The following MTNR1A variants were observed in gnomAD, a reference collection of about 807,000 sequenced individuals.
MTNR1A encodes melatonin receptor type 1A.
A neutral mutation model predicts 5.5 loss-of-function variants in MTNR1A; 7 were observed. The ratio of observed to expected loss-of-function variants is 1.28; its 90% CI spans 0.73 to 2.40. The LOEUF (loss-of-function observed/expected upper bound fraction) is 2.40. Ranked by LOEUF, MTNR1A falls within the 30% of genes most tolerant of loss-of-function variation. The pLI, the probability that MTNR1A is intolerant of heterozygous loss-of-function variation, is 0.00. For synonymous variants in MTNR1A, 196 were observed against 202.7 expected (o/e 0.97, Z 0.28); for missense variants, 441 against 464.4 (o/e 0.95, Z 0.46).
chr4:186,546,770 ATC>A (rs1737155751), intron 1 of MTNR1A, among the ~76,000 whole-genome samples: 2 of 142,838 alleles, frequency 1.4e-5, no homozygotes, highest in African/African-American at 2.7e-5. Flanking sequence ...TGTTCATGCC[ATC>A]CACACCACAC....
chr4:186,549,261 A>T (rs1239295220), intron 1 of MTNR1A, among the ~76,000 whole-genome samples: 5 of 152,314 alleles, frequency 3.3e-5, no homozygotes, highest in Admixed American at 3.3e-4. Context: ...TCAAAGAGGA[A>T]ATACTAATTA....
chr4:186,554,891 T>G (rs553187459), intron 1 of MTNR1A, among the ~76,000 whole-genome samples: 4 of 152,216 alleles, frequency 2.6e-5, no homozygotes, highest in Non-Finnish European at 5.9e-5. Context: ...AGCCTGGACC[T>G]GAGGCTTCTC....
chr4:186,544,603 A>C (rs1045114551), intron 1 of MTNR1A, among the ~76,000 whole-genome samples: 4 of 152,214 alleles, frequency 2.6e-5, no homozygotes, highest in Non-Finnish European at 4.4e-5. Flanking sequence ...AGTTTTCATG[A>C]ACAATGAAAA....
rs28383653 is a variant in MTNR1A, at chr4:186,534,245, C to T, written c.497G>A (p.Gly166Glu). The change falls in exon 2 of 2, where the codon GGG becomes GAG. Residue 166 changes from glycine to glutamate, a missense_variant. Gly to Glu is a moderately conservative substitution (Grantham distance 98). Transcript: ENST00000307161. ...LAAVLPNLRA[G>E]TLQYDPRIYS... The stretch of plus-strand genomic sequence containing the variant: ...GATCCTCGGGTCGTACTGGAGAGTC[C>T]CTGCACGGAGGTTGGGCAGGACGGC... The T allele has an allele frequency of 0.013, 21,575 of 1,613,950 alleles. 187 individuals are homozygous for T. The highest frequency in any genetic ancestry group is 0.016 in the Non-Finnish European group (18,979 of 1,179,986).
intron 1 of MTNR1A, among the ~76,000 whole-genome samples, chr4:186,553,205 T>G (rs1225053407): frequency 1.3e-5 from 2 of 152,232 alleles, no homozygotes; most frequent in Non-Finnish European, 2.9e-5. Flanking sequence ...AAACTTTTAA[T>G]AAGCATACCA....
At chr4:186,551,311 T>G (rs572903220) in intron 1 of MTNR1A, among the ~76,000 whole-genome samples, 19 of 152,210 alleles carry the variant, frequency 1.2e-4, no homozygotes, top group Non-Finnish European at 2.6e-4. Context: ...ACTCAGACAA[T>G]GGAGATTTTG....
intron 1 of MTNR1A, among the ~76,000 whole-genome samples, chr4:186,535,976 A>T (rs551298419): frequency 3.9e-5 from 6 of 152,314 alleles, no homozygotes; most frequent in African/African-American, 2.4e-5. Context: ...AATAAATTCA[A>T]TTCAGTTTAC....
chr4:186,536,439 G>T (rs535802635), intron 1 of MTNR1A, among the ~76,000 whole-genome samples: 57 of 152,308 alleles, frequency 3.7e-4, no homozygotes, highest in African/African-American at 1.3e-3. Flanking sequence ...GAGGAAAGGG[G>T]TGCGCTGGAC....
chr4:186,553,720 C>T (rs979230118), intron 1 of MTNR1A, among the ~76,000 whole-genome samples: 13 of 152,300 alleles, frequency 8.5e-5, no homozygotes, highest in African/African-American at 3.1e-4. Flanking sequence ...ACCATGTTGG[C>T]CAGCTGGTCT....
intron 1 of MTNR1A, among the ~76,000 whole-genome samples, chr4:186,536,148 C>T (rs1318863872): frequency 6.6e-6 from 1 of 151,878 alleles, no homozygotes; most frequent in Non-Finnish European, 1.5e-5. Flanking sequence ...GAGTTCAGGA[C>T]CAGCCTGGCC....
intron 1 of MTNR1A, among the ~76,000 whole-genome samples, chr4:186,541,703 AT>A (rs930120413): frequency 7.2e-5 from 11 of 152,092 alleles, no homozygotes; most frequent in Non-Finnish European, 4.4e-5. Context: ...CATGTGAGGG[AT>A]CTAGGCTACA....
At chr4:186,542,323 C>A (rs769625324) in intron 1 of MTNR1A, among the ~76,000 whole-genome samples, 3 of 152,166 alleles carry the variant, frequency 2.0e-5, no homozygotes, top group Non-Finnish European at 4.4e-5. Context: ...TTTTCAGGCC[C>A]TTAAATCTTC....
chr4:186,546,110 C>T (rs1310924603), intron 1 of MTNR1A, among the ~76,000 whole-genome samples: 1 of 152,294 alleles, frequency 6.6e-6, no homozygotes, highest in East Asian at 1.9e-4. Flanking sequence ...TGCAATAAAT[C>T]AAGCTGCTTA....
At chr4:186,535,959 A>T (rs1009884147) in intron 1 of MTNR1A, among the ~76,000 whole-genome samples, 1 of 152,180 alleles carries the variant, frequency 6.6e-6, no homozygotes, top group Admixed American at 6.6e-5. Flanking sequence ...TACTCAGATT[A>T]AATTATAATA....
rs754335860 is a variant in MTNR1A at position 186,555,213 on chromosome 4, C to G, written c.153G>C (p.Ser51=). The G allele has an allele frequency of 1.3e-6, 2 of 1,594,642 alleles. No homozygotes were observed. Among genetic ancestry groups the G allele is most frequent in the South Asian group, 1.1e-5 (1 of 87,924 alleles). ...TCCTGAGCTTCTTGTTCCGATACACCGACAGGATGACCAGGAGGTTGCCCA... is the reference window on the plus strand; with the variant it reads ...TCCTGAGCTTCTTGTTCCGATACACGGACAGGATGACCAGGAGGTTGCCCA... The part of the protein sequence containing the change: ...DILGNLLVIL[S]VYRNKKLRNA... Residue 51 remains serine, a synonymous_variant, in exon 1 of 2, where the codon TCG becomes TCC. Coordinates refer to ENST00000307161, the MANE Select transcript of MTNR1A (RefSeq NM_005958.4). This position sits in a 1 kb window ranked among gnomAD's most constrained non-coding sequence, Gnocchi z 4.1.
Position 186,555,400 on chromosome 4 carries a change from C to T in MTNR1A, c.-35G>A. ...GCGCGTCCCGGCCGCGGGGCCATCG[C>T]CCGCCTCGTCCGCCCGCCCGACCAC... is the stretch of plus-strand genomic sequence containing the variant. On this transcript the variant is annotated 5_prime_UTR_variant, in exon 1 of 2. Transcript: ENST00000307161. This position sits in a 1 kb window ranked among gnomAD's most constrained non-coding sequence, Gnocchi z 4.1. The T allele has an allele frequency of 1.5e-6, 2 of 1,357,802 alleles. No individual in the cohort carries two copies. The highest frequency in any genetic ancestry group is 6.4e-5 in the East Asian group (2 of 31,352). 84.1% of individuals were successfully genotyped at this position (1,357,802 alleles called of 1,614,324 possible). A position where few individuals can be genotyped will look rare whatever the true frequency, so the allele number is the denominator to read the frequency against.
At chr4:186,551,401 T>C (rs1179106152) in intron 1 of MTNR1A, among the ~76,000 whole-genome samples, 1 of 151,988 alleles carries the variant, frequency 6.6e-6, no homozygotes, top group African/African-American at 2.4e-5. Context: ...TTCCAGTTCA[T>C]ATTGTCTACT....
intron 1 of MTNR1A, among the ~76,000 whole-genome samples, chr4:186,545,320 T>C (rs930266648): frequency 6.6e-6 from 1 of 152,162 alleles, no homozygotes; most frequent in African/African-American, 2.4e-5. Flanking sequence ...CCACCGGCAC[T>C]GCTCTTCCAT....
rs8192549 is a variant in MTNR1A, at chr4:186,534,175, G to A, written c.567C>T (p.Ile189=). The change falls in exon 2 of 2, where the codon ATC becomes ATT. Residue 189 remains isoleucine (I), a synonymous_variant. Transcript: ENST00000307161. The stretch of plus-strand genomic sequence containing the variant: ...CGAGGAAGTGGAAAACCACCACGGC[G>A]ATGGTGTAGGCGGAGCTGACGGACT... ...FAQSVSSAYT[I]AVVVFHFLVP... 51,399 of 1,613,444 alleles carry A rather than the reference G, an allele frequency of 0.032. 1,023 individuals are homozygous for A. Among genetic ancestry groups the A allele is most frequent in the Non-Finnish European group, 0.039 (46,289 of 1,179,392 alleles).
Sources: allele counts gnomAD v4.1 joint callset (sites outside exome capture counted in the v4.1 genomes callset), GRCh38; gene constraint gnomAD v4.1.1; non-coding constraint Gnocchi (gnomAD v3.1); transcripts MANE v1.5; gene names NCBI Gene and HGNC (gene_info 2026-07-23, HGNC 2026-07-21).